Variants in WDFY3 observed in about 807,000 individuals in gnomAD.
The protein encoded by WDFY3 is WD repeat and FYVE domain-containing protein 3.
In WDFY3, 66 loss-of-function variants were observed where a neutral mutation model predicts 409.6. The ratio of observed to expected loss-of-function variants is 0.16; its 90% CI spans 0.13 to 0.20. WDFY3 has a LOEUF of 0.20. Among genes scored for constraint, WDFY3 ranks in the 10% least tolerant of loss-of-function variants. WDFY3 has a pLI of 1.00. For missense variants in WDFY3, 3,031 were observed against 4,298.1 expected (o/e 0.71, Z 8.24); for synonymous variants, 1,521 against 1,537.1 (o/e 0.99, Z 0.25).
chr4:84,781,564 T>C (rs983880686), intron 25 of WDFY3, among the ~76,000 whole-genome samples: 1 of 152,030 alleles, frequency 6.6e-6, no homozygotes, highest in Non-Finnish European at 1.5e-5. Context: ...AATACCTTCA[T>C]ATATTACAGT....
intron 21 of WDFY3, among the ~76,000 whole-genome samples, chr4:84,793,524 T>C (rs866141627): frequency 6.6e-6 from 1 of 152,112 alleles, no homozygotes; most frequent in Non-Finnish European, 1.5e-5. Context: ...AGTACAAAGA[T>C]CAAAGGTGAA....
chr4:84,898,459 A>T (rs1484810181), intron 2 of WDFY3, among the ~76,000 whole-genome samples: 2 of 152,176 alleles, frequency 1.3e-5, no homozygotes, highest in African/African-American at 4.8e-5. Context: ...TACCTCTTTT[A>T]AAAAAGCATA....
chr4:84,904,168 G>C (rs1766704246), intron 2 of WDFY3, among the ~76,000 whole-genome samples: 1 of 152,198 alleles, frequency 6.6e-6, no homozygotes, highest in Non-Finnish European at 1.5e-5. Context: ...ACCAGACACT[G>C]AATCTGCTGG....
intron 4 of WDFY3, among the ~76,000 whole-genome samples, chr4:84,860,026 A>G (rs989311248): frequency 6.6e-6 from 1 of 152,246 alleles, no homozygotes; most frequent in Non-Finnish European, 1.5e-5. Flanking sequence ...ATGACTTTTT[A>G]AAGTATACAA....
rs1230182827 is a variant in WDFY3, at chr4:84,698,433, CCTGG to C, written c.8597-1614_8597-1611del. On this transcript the variant is annotated intron_variant, in intron 56 of 67. Coordinates refer to ENST00000295888, the MANE Select transcript of WDFY3 (RefSeq NM_014991.6). ...CCACGTACAGGCACGTGCCACCATG[CCTGG>C]CTAATTATTTTATTTTGAAGGGACG... 2.0e-5 allele frequency among the ~76,000 whole-genome samples: 3 copies of C among 151,550 alleles called. No individual in the cohort carries two copies. In the East Asian group the frequency reaches 5.9e-4, roughly 30 times the overall value.
At chr4:84,827,663 G>C (rs1755054980) in intron 9 of WDFY3, among the ~76,000 whole-genome samples, 1 of 152,124 alleles carries the variant, frequency 6.6e-6, no homozygotes, top group South Asian at 2.1e-4. Context: ...GCCAACCTAC[G>C]TTCTCAAAGG....
At chr4:84,759,968 G>A (rs1578397202) in intron 32 of WDFY3, among the ~76,000 whole-genome samples, 1 of 151,796 alleles carries the variant, frequency 6.6e-6, no homozygotes, top group South Asian at 2.1e-4. Context: ...ATTATTTTGA[G>A]ATACGTCCCA....
intron 3 of WDFY3, among the ~76,000 whole-genome samples, chr4:84,862,813 C>G (rs1363374303): frequency 6.6e-6 from 1 of 152,118 alleles, no homozygotes; most frequent in Non-Finnish European, 1.5e-5. Flanking sequence ...CGGTGAAACC[C>G]CGTCTCTACT....
chr4:84,800,219 T>C lies in WDFY3; in HGVS notation c.2822+1431A>G, dbSNP rs532025146. On this transcript the variant is annotated intron_variant, in intron 17 of 67. Coordinates refer to ENST00000295888, the MANE Select transcript of WDFY3 (RefSeq NM_014991.6). Reference sequence around the variant, plus strand: ...AAAAGTTTCTTAATCCACAATCAGTTTGGAGTCAGTTTTAAAAACTTACAA... The same window carrying C: ...AAAAGTTTCTTAATCCACAATCAGTCTGGAGTCAGTTTTAAAAACTTACAA... 1.0e-3 allele frequency among the ~76,000 whole-genome samples: 156 copies of C among 152,328 alleles called. 2 individuals are homozygous for C. Among genetic ancestry groups the C allele is most frequent in the African/African-American group, 3.5e-3 (145 of 41,574 alleles).
At chr4:84,794,466 T>C (rs956677723) in intron 21 of WDFY3, 53 bp downstream of exon 21, 23 of 1,485,458 alleles carry the variant, frequency 1.5e-5, no homozygotes, top group Non-Finnish European at 2.0e-5. Context: ...AATACAAAAA[T>C]GAAGTTTTAA....
chr4:84,821,180 C>T lies in WDFY3; in HGVS notation c.1495G>A (p.Val499Met). The T allele has an allele frequency of 1.2e-6, 2 of 1,613,694 alleles. No individual in the cohort carries two copies. The highest frequency in any genetic ancestry group is 1.7e-6 in the Non-Finnish European group (2 of 1,179,808). The change falls in exon 11 of 68, where the codon GTG (valine) becomes ATG (methionine). Residue 499 changes from valine to methionine, a missense_variant. By Grantham distance (21) the Val-to-Met change is conservative. This residue lies in a region of WDFY3 where 1,322 missense variants were observed against 1,697.9 expected (regional missense o/e 0.78). Coordinates refer to ENST00000295888, the MANE Select transcript of WDFY3 (RefSeq NM_014991.6). Reference protein sequence around the residue: ...FTRHDYIFKDVFREVGLLEVM... With the variant: ...FTRHDYIFKDMFREVGLLEVM... ...TCCAAAAGGCCAACCTCCCTGAACA[C>T]GTCTTTAAATATGTAGTCATGTCTT...
chr4:84,837,287 A>G (rs889066133), intron 6 of WDFY3, among the ~76,000 whole-genome samples, 197 bp from the exon 7 acceptor site: 8 of 152,154 alleles, frequency 5.3e-5, no homozygotes, highest in Admixed American at 2.6e-4. Flanking sequence ...AAATAGTGAG[A>G]TTTTGTTATA....
intron 30 of WDFY3, among the ~76,000 whole-genome samples, chr4:84,769,381 A>G (rs1331479125): frequency 6.6e-6 from 1 of 152,092 alleles, no homozygotes; most frequent in Non-Finnish European, 1.5e-5. Context: ...CCATTGTTAT[A>G]GCTAACTATA....
In WDFY3 at chr4:84,786,123, G is replaced by A. The variant is rs781494117; in HGVS notation, c.3918C>T (p.Ser1306=). 2.4e-5 allele frequency: 38 copies of A among 1,597,992 alleles called. 1 individual carries two copies. Among genetic ancestry groups the A allele is most frequent in the Middle Eastern group, 3.3e-4 (2 of 6,044 alleles). ...ACACAGGGGATGGCACCACCCCTTC[G>A]GATTTTGCATCTTTACCTTCAAAAG... is the stretch of plus-strand genomic sequence containing the variant. ...AVCMPCKDAK[S]EGVVPSPVSL... The change falls in exon 24 of 68, where the codon TCC becomes TCT. Residue 1306 remains serine, a synonymous_variant. Coordinates refer to ENST00000295888, the MANE Select transcript of WDFY3 (RefSeq NM_014991.6).
At chr4:84,954,057 G>A (rs539210803) in intron 1 of WDFY3, among the ~76,000 whole-genome samples, 22 of 152,130 alleles carry the variant, frequency 1.4e-4, no homozygotes, top group African/African-American at 4.8e-4. Flanking sequence ...TGTGTAAAGC[G>A]TCCATGCATA....
chr4:84,722,712 ATTAAAT>A (rs1338560660), intron 46 of WDFY3, among the ~76,000 whole-genome samples: 1 of 152,220 alleles, frequency 6.6e-6, no homozygotes, highest in African/African-American at 2.4e-5. Flanking sequence ...ACACATTTTG[ATTAAAT>A]TAATATTCTT....
At position 84,697,453 on chromosome 4, in the gene WDFY3, G is replaced by A. The variant is rs904309764; in HGVS notation, c.8597-630C>T. 5.3e-5 allele frequency among the ~76,000 whole-genome samples: 8 copies of A among 152,110 alleles called. No homozygotes were observed. In the East Asian group the frequency reaches 1.5e-3, roughly 29 times the overall value. ...AGAAAAAATATTTGGAAAAACTATA[G>A]GGCTACCTGTCAAAAACAAAAAATA... On this transcript the variant is annotated intron_variant, in intron 56 of 67. Transcript: ENST00000295888.
chr4:84,820,049 T>C (rs1299589962), intron 12 of WDFY3, 36 bp downstream of exon 12: 1 of 1,533,930 alleles, frequency 6.5e-7, no homozygotes. Context: ...TCAGTGGTAA[T>C]CTCCCAAAGT....
intron 24 of WDFY3, among the ~76,000 whole-genome samples, chr4:84,785,284 C>T (rs553405929): frequency 1.3e-5 from 2 of 152,176 alleles, no homozygotes; most frequent in African/African-American, 4.8e-5. Flanking sequence ...ATGGCAGGTA[C>T]GTACAGTACA....
Sources: allele counts gnomAD v4.1 joint callset (sites outside exome capture counted in the v4.1 genomes callset), GRCh38; gene constraint gnomAD v4.1.1; regional missense constraint gnomAD v4.1.1; transcripts MANE v1.5; gene names NCBI Gene and HGNC (gene_info 2026-07-23, HGNC 2026-07-21).